The following OPCML variants were observed in gnomAD, a reference collection of about 807,000 sequenced individuals.
OPCML encodes opioid binding protein/cell adhesion molecule like, also known as opioid-binding protein/cell adhesion molecule.
In OPCML, 13 loss-of-function variants were observed where a neutral mutation model predicts 37.8. That is an observed-to-expected ratio of 0.34 (90% CI 0.22 to 0.55). The LOEUF is 0.55. Ranked by LOEUF, OPCML falls within the 20% of genes least tolerant of loss-of-function variation. The pLI, the probability that OPCML is intolerant of heterozygous loss-of-function variation, is 0.91. For synonymous variants in OPCML, 176 were observed against 168.8 expected (o/e 1.04, Z -0.33); for missense variants, 341 against 435.6 (o/e 0.78, Z 1.93).
At chr11:133,277,796 T>C (rs757444575) in intron 1 of OPCML, among the ~76,000 whole-genome samples, 13 of 152,002 alleles carry the variant, frequency 8.6e-5, no homozygotes, top group Admixed American at 3.3e-4. Flanking sequence ...ATAATATACA[T>C]ATAATGTATG....
chr11:132,659,725 T>C (rs1941871799), intron 2 of OPCML, among the ~76,000 whole-genome samples: 1 of 152,180 alleles, frequency 6.6e-6, no homozygotes, highest in African/African-American at 2.4e-5. Flanking sequence ...TGTGTGTGTG[T>C]GTGTGTATTT....
chr11:132,879,846 AT>A (rs1943159961), intron 2 of OPCML, among the ~76,000 whole-genome samples: 1 of 152,230 alleles, frequency 6.6e-6, no homozygotes, highest in Admixed American at 6.5e-5. Flanking sequence ...AACAAAAAAA[AT>A]ACAAACAAAA....
chr11:132,886,634 C>T (rs1943430981), intron 2 of OPCML, among the ~76,000 whole-genome samples: 1 of 152,174 alleles, frequency 6.6e-6, no homozygotes. Flanking sequence ...AGAGTCACTT[C>T]TGCCACATTC....
chr11:132,638,377 G>A lies in OPCML; in HGVS notation c.379+18710C>T, dbSNP rs758825396. On this transcript the variant is annotated intron_variant, in intron 3 of 7. Transcript: ENST00000524381. ...CATATTCTGTGGCTTTATGTCAAGA[G>A]AGAATTATATTTAGAATTTAGTTTA... is the stretch of plus-strand genomic sequence containing the variant. Among the ~76,000 whole-genome samples the A allele has an allele frequency of 2.6e-5, 4 of 152,128 alleles. No individual in the cohort carries two copies. The East Asian group carries it at 5.8e-4, about 22-fold the overall frequency.
chr11:133,249,004 A>G (rs1386297227), intron 1 of OPCML, among the ~76,000 whole-genome samples: 1 of 152,158 alleles, frequency 6.6e-6, no homozygotes, highest in African/African-American at 2.4e-5. Flanking sequence ...AACACTCTAG[A>G]GCTGTTGCCG....
chr11:133,262,508 T>C (rs2136459377), intron 1 of OPCML, among the ~76,000 whole-genome samples: 1 of 152,264 alleles, frequency 6.6e-6, no homozygotes, highest in Middle Eastern at 3.4e-3. Context: ...TTAGATCCAT[T>C]CTGCAGAGGA....
intron 2 of OPCML, among the ~76,000 whole-genome samples, chr11:132,725,175 C>A (rs1293867702): frequency 1.3e-5 from 2 of 152,200 alleles, no homozygotes; most frequent in African/African-American, 4.8e-5. Context: ...AGAGCCCCAC[C>A]CCTGCAGCAA....
At chr11:132,601,249 C>G (rs1490416243) in intron 3 of OPCML, among the ~76,000 whole-genome samples, 1 of 152,094 alleles carries the variant, frequency 6.6e-6, no homozygotes, top group Non-Finnish European at 1.5e-5. Context: ...GCCCCTCAGC[C>G]TCCTCCTAGA....
chr11:132,673,623 C>A lies in OPCML; in HGVS notation c.147-16304G>T, dbSNP rs979393013. Among the ~76,000 whole-genome samples the A allele has an allele frequency of 2.6e-5, 4 of 152,034 alleles. 1 individual carries two copies. Among genetic ancestry groups the A allele is most frequent in the Admixed American group, 1.3e-4 (2 of 15,270 alleles). On this transcript the variant is annotated intron_variant, in intron 2 of 7. Transcript: ENST00000524381. Reference sequence around the variant, plus strand: ...GCCCTATTTTGAAAGGGGTCATTGGCTCCTCAGAGTTTGAGGAGAAAGCAC... The same window carrying A: ...GCCCTATTTTGAAAGGGGTCATTGGATCCTCAGAGTTTGAGGAGAAAGCAC...
intron 1 of OPCML, among the ~76,000 whole-genome samples, chr11:133,143,359 G>T (rs1949852779): frequency 6.6e-6 from 1 of 152,150 alleles, no homozygotes; most frequent in South Asian, 2.1e-4. Flanking sequence ...CCAGGGTGAG[G>T]CCATGTCCTC....
intron 3 of OPCML, among the ~76,000 whole-genome samples, chr11:132,599,518 G>A (rs902123595): frequency 6.6e-6 from 1 of 152,074 alleles, no homozygotes; most frequent in Non-Finnish European, 1.5e-5. Context: ...AGCATAAACC[G>A]AAGCTCTCTG....
At chr11:133,423,867 C>T (rs1409390148) in intron 1 of OPCML, among the ~76,000 whole-genome samples, 1 of 151,936 alleles carries the variant, frequency 6.6e-6, no homozygotes, top group Non-Finnish European at 1.5e-5. Flanking sequence ...ACCTCCACCC[C>T]CTCTATTTGG....
intron 3 of OPCML, among the ~76,000 whole-genome samples, chr11:132,536,896 T>C (rs2096342201): frequency 6.6e-6 from 1 of 152,238 alleles, no homozygotes; most frequent in Admixed American, 6.5e-5. Flanking sequence ...TCATTTAATG[T>C]ATCTGGCTAG....
intron 1 of OPCML, among the ~76,000 whole-genome samples, chr11:133,009,630 G>A (rs1457485017): frequency 6.6e-6 from 1 of 152,214 alleles, no homozygotes; most frequent in African/African-American, 2.4e-5. Context: ...TATGAATGGG[G>A]TGGGTGCGGA....
intron 1 of OPCML, among the ~76,000 whole-genome samples, chr11:133,203,818 G>A (rs1334727745): frequency 6.6e-6 from 1 of 152,082 alleles, no homozygotes; most frequent in Non-Finnish European, 1.5e-5. Flanking sequence ...CAGTACTTTG[G>A]GAGGCTGAGG....
At chr11:132,726,705 G>C (rs938369880) in intron 2 of OPCML, among the ~76,000 whole-genome samples, 4 of 152,162 alleles carry the variant, frequency 2.6e-5, no homozygotes, top group African/African-American at 9.6e-5. Context: ...CAACCGCCAT[G>C]GTCCAGAAGC....
Position 133,458,215 on chromosome 11 carries a change from T to TAC in OPCML, c.61+74047_61+74048dup, listed in dbSNP as rs554923134. ...ACATATATACACGTGTGTGTATATA[T>TAC]ACACATATATACACGTGTGTGTATA... On this transcript the variant is annotated intron_variant, in intron 1 of 7. Transcript: ENST00000524381. Among the ~76,000 whole-genome samples the TAC allele has an allele frequency of 5.7e-3, 746 of 131,258 alleles. 34 individuals carry two copies. The highest frequency in any genetic ancestry group is 8.2e-3 in the Non-Finnish European group (526 of 64,208). The allele number at this position is 131,258 out of a possible 152,430, so 86.1% of individuals were successfully genotyped here.
At chr11:132,979,780 G>A (rs1483053021) in intron 1 of OPCML, among the ~76,000 whole-genome samples, 1 of 152,190 alleles carries the variant, frequency 6.6e-6, no homozygotes, top group African/African-American at 2.4e-5. Flanking sequence ...GGGAGAGGGA[G>A]GGTTTAACCA....
chr11:132,687,019 G>C (rs1197083473), intron 2 of OPCML, among the ~76,000 whole-genome samples: 1 of 33,400 alleles, frequency 3.0e-5, no homozygotes, highest in Non-Finnish European at 5.5e-5. Flanking sequence ...TTTCTAGCTA[G>C]CTGAAGTCAC....
Sources: gnomAD v4.1 joint callset for allele counts (sites outside exome capture counted in the v4.1 genomes callset) on GRCh38, gnomAD v4.1.1 for gene constraint, MANE v1.5 for transcripts, NCBI Gene and HGNC (gene_info 2026-07-23, HGNC 2026-07-21) for gene names.